RXRA: variants seen among roughly 807,000 people sequenced by gnomAD.
The protein encoded by RXRA is retinoic acid receptor RXR-alpha.
A neutral mutation model predicts 44.5 loss-of-function variants in RXRA; 5 were observed. The ratio of observed to expected loss-of-function variants is 0.11; its 90% CI spans 0.06 to 0.24. The LOEUF (loss-of-function observed/expected upper bound fraction) is 0.24. Ranked by LOEUF, RXRA falls within the 10% of genes least tolerant of loss-of-function variation. The pLI, the probability that RXRA is intolerant of heterozygous loss-of-function variation, is 1.00. For missense variants in RXRA, 412 were observed against 646.5 expected, an observed-to-expected ratio of 0.64 and a Z score of 3.93; for synonymous variants, 291 against 271.4, an observed-to-expected ratio of 1.07 and a Z score of -0.71.
intron 4 of RXRA, among the ~76,000 whole-genome samples, chr9:134,410,446 G>A (rs1422378655): frequency 6.6e-6 from 1 of 152,260 alleles, no homozygotes; most frequent in Non-Finnish European, 1.5e-5. Flanking sequence ...CCAGAGGGCA[G>A]AGGAGCATGT....
chr9:134,337,809 G>A (rs988188461), intron 1 of RXRA, among the ~76,000 whole-genome samples: 4 of 152,262 alleles, frequency 2.6e-5, no homozygotes, highest in Middle Eastern at 3.4e-3. Flanking sequence ...CCCTCTGGGG[G>A]GTCGCCCAGA....
chr9:134,379,347 CAGACAGTGGGAGG>C (rs1830604794), intron 1 of RXRA: 1 of 987,338 alleles, frequency 1.0e-6, no homozygotes, highest in Non-Finnish European at 1.2e-6. Flanking sequence ...GGCTCCGTGA[CAGACAGTGGGAGG>C]GGAGGCTGGC....
chr9:134,371,693 G>A (rs1457056815), intron 1 of RXRA, among the ~76,000 whole-genome samples: 2 of 152,244 alleles, frequency 1.3e-5, no homozygotes, highest in South Asian at 2.1e-4. Flanking sequence ...TGGAGGACGG[G>A]CCTGGGGGTG....
intron 4 of RXRA, among the ~76,000 whole-genome samples, chr9:134,411,966 GA>G (rs1216009633): frequency 1.3e-5 from 2 of 152,186 alleles, no homozygotes; most frequent in African/African-American, 4.8e-5. Flanking sequence ...ACCCCACGTG[GA>G]AACGGTGGCT....
intron 1 of RXRA, among the ~76,000 whole-genome samples, chr9:134,393,035 A>AC (rs1003798339): frequency 4.0e-5 from 6 of 151,100 alleles, no homozygotes; most frequent in Non-Finnish European, 8.9e-5. Flanking sequence ...TAAAAAAAAA[A>AC]AACCCATCCT....
intron 1 of RXRA, among the ~76,000 whole-genome samples, chr9:134,347,440 G>A (rs1257173598): frequency 2.6e-5 from 4 of 152,226 alleles, no homozygotes; most frequent in Non-Finnish European, 4.4e-5. Flanking sequence ...CAGACACCGT[G>A]CCGTCCACCC....
chr9:134,419,708 G>A (rs34832522), intron 5 of RXRA, among the ~76,000 whole-genome samples: 3,293 of 152,308 alleles, frequency 0.022, 63 homozygotes, highest in Admixed American at 0.048. Context: ...TGGATCTCCA[G>A]GCGAGAATGG....
At chr9:134,332,386 C>T (rs903906210) in intron 1 of RXRA, among the ~76,000 whole-genome samples, 4 of 152,208 alleles carry the variant, frequency 2.6e-5, no homozygotes, top group African/African-American at 7.2e-5. Flanking sequence ...TGCAGGCGTC[C>T]GCCGCAGCCT....
chr9:134,363,932 A>C (rs1171913901), intron 1 of RXRA, among the ~76,000 whole-genome samples: 2 of 152,314 alleles, frequency 1.3e-5, no homozygotes, highest in Middle Eastern at 3.4e-3. Flanking sequence ...GTACAGCCAG[A>C]AAAAAGAAGA....
rs1055950422 is a variant in RXRA at position 134,401,890 on chromosome 9, C to T, written c.279+8C>T. 78 of 1,517,686 alleles carry T rather than the reference C, an allele frequency of 5.1e-5. No homozygotes were observed. Among genetic ancestry groups the T allele is most frequent in the Non-Finnish European group, 6.5e-5 (72 of 1,108,850 alleles). 94.0% of individuals were successfully genotyped at this position (1,517,686 alleles called of 1,614,324 possible). ...AGCACTGGCAGCCCCCAGGTGAGTGCGGGGCTGGGGCAAGGGGAGGGGGTG... is the reference window on the plus strand; with the variant it reads ...AGCACTGGCAGCCCCCAGGTGAGTGTGGGGCTGGGGCAAGGGGAGGGGGTG... On this transcript the variant is annotated splice_region_variant and intron_variant, in intron 2 of 9. Coordinates refer to ENST00000481739, the MANE Select transcript of RXRA (RefSeq NM_002957.6).
chr9:134,428,861 C>G (rs1249340862), intron 6 of RXRA, among the ~76,000 whole-genome samples: 1 of 152,346 alleles, frequency 6.6e-6, no homozygotes, highest in African/African-American at 2.4e-5. Flanking sequence ...TGTGAGCTCC[C>G]GGGTTCCACA....
intron 1 of RXRA, among the ~76,000 whole-genome samples, chr9:134,382,561 CTG>C (rs1830662310): frequency 6.6e-6 from 1 of 152,150 alleles, no homozygotes; most frequent in Non-Finnish European, 1.5e-5. Flanking sequence ...CCATGGGCCT[CTG>C]TGCACTGATG....
At chr9:134,402,063 G>C (rs763630254) in intron 2 of RXRA, 181 bp downstream of exon 2, 2 of 602,678 alleles carry the variant, frequency 3.3e-6, no homozygotes, top group Non-Finnish European at 5.7e-6. Context: ...GCCCAGGTGG[G>C]GCTGACTGCT....
chr9:134,361,074 T>C (rs1295659132), intron 1 of RXRA, among the ~76,000 whole-genome samples: 1 of 152,226 alleles, frequency 6.6e-6, no homozygotes, highest in Non-Finnish European at 1.5e-5. Context: ...AGGCATCTTA[T>C]CTGATGGGCA....
chr9:134,436,729 T>A lies in RXRA; in HGVS notation c.*115T>A, dbSNP rs1489056477. On this transcript the variant is annotated 3_prime_UTR_variant, in exon 10 of 10. Transcript: ENST00000481739. ...TTCTCTGCCTGGCCTGTTTGGACTT[T>A]GGGGCACAGCCTGTCACTGCTCTGC... The A allele has an allele frequency of 1.7e-6, 2 of 1,190,586 alleles. No homozygotes were observed. Among genetic ancestry groups the A allele is most frequent in the African/African-American group, 3.0e-5 (2 of 65,926 alleles). The allele number at this position is 1,190,586 out of a possible 1,614,324, so 73.8% of individuals were successfully genotyped here.
chr9:134,436,515 C>T lies in RXRA; in HGVS notation c.1290C>T (p.Leu430=). ...TGCCGGCTCTGCGCTCCATCGGGCT[C>T]AAATGCCTGGAACATCTCTTCTTCT... The part of the protein sequence containing the change: ...LRLPALRSIG[L]KCLEHLFFFK... Residue 430 remains leucine (L), a synonymous_variant, in exon 10 of 10, where the codon CTC becomes CTT. Transcript: ENST00000481739. 1 of 1,614,200 alleles carries T rather than the reference C, an allele frequency of 6.2e-7. No homozygotes were observed. The highest frequency in any genetic ancestry group is 8.5e-7 in the Non-Finnish European group (1 of 1,180,036).
chr9:134,373,786 C>A (rs1361662977), intron 1 of RXRA, among the ~76,000 whole-genome samples: 6 of 152,258 alleles, frequency 3.9e-5, no homozygotes, highest in Non-Finnish European at 7.3e-5. Flanking sequence ...GTCTTTCTGA[C>A]TCTGGACTGG....
chr9:134,356,474 G>A (rs993968849), intron 1 of RXRA, among the ~76,000 whole-genome samples: 6 of 152,162 alleles, frequency 3.9e-5, no homozygotes, highest in Admixed American at 3.9e-4. Context: ...CTCCTGCAAT[G>A]CCCACCAGGG....
chr9:134,413,662 G>GA (rs1228303361), intron 4 of RXRA, among the ~76,000 whole-genome samples: 1 of 152,204 alleles, frequency 6.6e-6, no homozygotes, highest in Non-Finnish European at 1.5e-5. Flanking sequence ...TGGGCCTGGG[G>GA]ATGCCCCTCG....
Sources: gnomAD v4.1 joint callset for allele counts (sites outside exome capture counted in the v4.1 genomes callset) on GRCh38, gnomAD v4.1.1 for gene constraint, MANE v1.5 for transcripts, NCBI Gene and HGNC (gene_info 2026-07-23, HGNC 2026-07-21) for gene names.